The following CCDC178 variants were observed in gnomAD, a reference collection of about 807,000 sequenced individuals.
CCDC178 encodes the protein coiled-coil domain containing 178.
A neutral mutation model predicts 117.4 loss-of-function variants in CCDC178; 126 were observed. That is an observed-to-expected ratio of 1.07 (90% CI 0.93 to 1.24). CCDC178 has a LOEUF of 1.24. Among genes scored for constraint, CCDC178 ranks in the 50% most tolerant of loss-of-function variants. The probability of loss-of-function intolerance (pLI) is 0.00; values close to 1 mark genes in which losing one functional copy is unlikely to be tolerated. For missense variants in CCDC178, 1,030 were observed against 986.9 expected (o/e 1.04, Z -0.59); for synonymous variants, 283 against 313.4 (o/e 0.90, Z 1.02).
intron 6 of CCDC178, among the ~76,000 whole-genome samples, chr18:33,363,539 G>A (rs557977512): frequency 6.6e-5 from 10 of 152,016 alleles, no homozygotes; most frequent in Non-Finnish European, 1.3e-4. Flanking sequence ...TGGGGAACCT[G>A]ACACCATATG....
chr18:32,946,420 A>T (rs908466990), intron 22 of CCDC178, among the ~76,000 whole-genome samples: 2 of 152,234 alleles, frequency 1.3e-5, no homozygotes, highest in African/African-American at 4.8e-5. Flanking sequence ...ACAAATATTC[A>T]TTCAAAATAT....
At chr18:33,336,690 G>A (rs1177721277) in intron 9 of CCDC178, among the ~76,000 whole-genome samples, 1 of 151,972 alleles carries the variant, frequency 6.6e-6, no homozygotes, top group Non-Finnish European at 1.5e-5. Flanking sequence ...TTTATAGATA[G>A]CCTACCCAAC....
chr18:33,415,287 A>C (rs1341892459), intron 2 of CCDC178, among the ~76,000 whole-genome samples: 1 of 152,160 alleles, frequency 6.6e-6, no homozygotes, highest in Admixed American at 6.5e-5. Context: ...AATAGCAAAG[A>C]CTTGGAACCA....
At chr18:33,031,964 A>C (rs756436237) in intron 21 of CCDC178, among the ~76,000 whole-genome samples, 1 of 152,144 alleles carries the variant, frequency 6.6e-6, no homozygotes, top group Non-Finnish European at 1.5e-5. Flanking sequence ...AATTTCATTA[A>C]TATAATGTTG....
At chr18:33,250,775 A>T (rs940169622) in intron 14 of CCDC178, among the ~76,000 whole-genome samples, 10 of 151,564 alleles carry the variant, frequency 6.6e-5, no homozygotes, top group Admixed American at 5.9e-4. Context: ...CAGTACCAAA[A>T]CCCAACAAGG....
At chr18:33,348,235 TA>T (rs1330184000) in intron 8 of CCDC178, among the ~76,000 whole-genome samples, 2 of 151,912 alleles carry the variant, frequency 1.3e-5, no homozygotes, top group Non-Finnish European at 2.9e-5. Flanking sequence ...GTTTATTACT[TA>T]GTTTTCACTC....
chr18:33,352,730 C>A (rs919505954), intron 7 of CCDC178, among the ~76,000 whole-genome samples: 1 of 151,856 alleles, frequency 6.6e-6, no homozygotes, highest in Non-Finnish European at 1.5e-5. Flanking sequence ...TCCAGTTTTC[C>A]ATTTGTTATT....
At chr18:33,114,386 T>A (rs1039817243) in intron 20 of CCDC178, among the ~76,000 whole-genome samples, 12 of 151,966 alleles carry the variant, frequency 7.9e-5, no homozygotes, top group African/African-American at 2.9e-4. Flanking sequence ...GGTGGGGAAC[T>A]TGGGGTCTGT....
chr18:33,324,888 T>C (rs1411638453), intron 10 of CCDC178, among the ~76,000 whole-genome samples: 2 of 151,902 alleles, frequency 1.3e-5, no homozygotes, highest in South Asian at 2.1e-4. Context: ...ATTGAAAGTA[T>C]GGAAAAAAAC....
At chr18:32,983,180 TGGGA>T in intron 21 of CCDC178, 1 of 670,132 alleles carries the variant, frequency 1.5e-6, no homozygotes, top group Non-Finnish European at 2.5e-6. Context: ...GAGTGGGAAT[TGGGA>T]GTAGGTACAT....
chr18:33,361,398 C>A lies in CCDC178; in HGVS notation c.349-5052G>T, dbSNP rs1191935628. 2.6e-5 allele frequency among the ~76,000 whole-genome samples: 4 copies of A among 151,568 alleles called. No homozygotes were observed. The South Asian group carries it at 6.2e-4, about 24-fold the overall frequency. ...AAGCCATAAAACTCCTAGAAAAGAA[C>A]ATAGAGGAAAAGCTCCTTCACATTG... On this transcript the variant is annotated intron_variant, in intron 6 of 22. Coordinates refer to ENST00000383096, the MANE Select transcript of CCDC178 (RefSeq NM_001105528.4).
intron 21 of CCDC178, among the ~76,000 whole-genome samples, chr18:32,977,126 G>A (rs1191685784): frequency 6.6e-6 from 1 of 152,144 alleles, no homozygotes; most frequent in Admixed American, 6.5e-5. Flanking sequence ...CAGTGGGCCT[G>A]TTGAGATAGC....
At chr18:33,233,974 A>G (rs1170298004) in intron 15 of CCDC178, among the ~76,000 whole-genome samples, 1 of 152,150 alleles carries the variant, frequency 6.6e-6, no homozygotes, top group Non-Finnish European at 1.5e-5. Context: ...TCAACTTGCC[A>G]TCCAATTTCT....
At chr18:33,385,023 T>C (rs1338839966) in intron 5 of CCDC178, among the ~76,000 whole-genome samples, 1 of 152,174 alleles carries the variant, frequency 6.6e-6, no homozygotes, top group Non-Finnish European at 1.5e-5. Flanking sequence ...GAGGAAAATT[T>C]ACCAAGCAAA....
At position 33,117,593 on chromosome 18, in the gene CCDC178, G is replaced by A. The variant is rs531220907; in HGVS notation, c.2239-24683C>T. On this transcript the variant is annotated intron_variant, in intron 20 of 22. Transcript: ENST00000383096. ...CGTGGGGTGGGGGGAGCGGGGAGAG[G>A]GATAGCATTAGGAGATATACCTAAT... 2.9e-4 allele frequency among the ~76,000 whole-genome samples: 44 copies of A among 152,044 alleles called. No individual in the cohort carries two copies. The East Asian group carries it at 5.4e-3, about 19-fold the overall frequency.
At chr18:33,281,080 T>G (rs2060019570) in intron 12 of CCDC178, among the ~76,000 whole-genome samples, 1 of 131,854 alleles carries the variant, frequency 7.6e-6, no homozygotes, top group African/African-American at 3.0e-5. Context: ...TGTGCACATG[T>G]ACCTTAAAAC....
intron 11 of CCDC178, among the ~76,000 whole-genome samples, chr18:33,300,096 C>T (rs1285705535): frequency 6.6e-6 from 1 of 152,152 alleles, no homozygotes; most frequent in African/African-American, 2.4e-5. Flanking sequence ...TGAGTGAGTT[C>T]TCACAAGAAA....
intron 22 of CCDC178, among the ~76,000 whole-genome samples, chr18:32,942,393 C>T (rs1291898349): frequency 6.6e-6 from 1 of 152,086 alleles, no homozygotes; most frequent in Non-Finnish European, 1.5e-5. Flanking sequence ...CACTGTAAAT[C>T]TTCTTTTACA....
intron 21 of CCDC178, among the ~76,000 whole-genome samples, chr18:33,053,956 T>C (rs1304777457): frequency 6.6e-6 from 1 of 152,172 alleles, no homozygotes; most frequent in Non-Finnish European, 1.5e-5. Context: ...TATTATTTTA[T>C]GTTAAAATAT....
Sources: allele counts gnomAD v4.1 joint callset (sites outside exome capture counted in the v4.1 genomes callset), GRCh38; gene constraint gnomAD v4.1.1; transcripts MANE v1.5; gene names NCBI Gene and HGNC (gene_info 2026-07-23, HGNC 2026-07-21).